CSN1S1: variants seen among roughly 807,000 people sequenced by gnomAD.
CSN1S1 encodes casein alpha s1.
Under a neutral mutation model 49.1 loss-of-function variants are expected in CSN1S1, and 63 were observed. That is an observed-to-expected ratio of 1.28 (90% CI 1.05 to 1.58). CSN1S1 has a LOEUF of 1.58. Ranked by LOEUF, CSN1S1 falls within the 40% of genes most tolerant of loss-of-function variation. The probability of loss-of-function intolerance (pLI) is 0.00; values close to 1 mark genes in which losing one functional copy is unlikely to be tolerated. For missense variants in CSN1S1, 260 were observed against 224.7 expected, an observed-to-expected ratio of 1.16 and a Z score of -1.01; for synonymous variants, 78 against 67.1, an observed-to-expected ratio of 1.16 and a Z score of -0.79.
intron 9 of CSN1S1, among the ~76,000 whole-genome samples, chr4:69,938,840 A>G (rs917986106): frequency 6.6e-6 from 1 of 151,732 alleles, no homozygotes; most frequent in Non-Finnish European, 1.5e-5. Flanking sequence ...TACCCAGCTA[A>G]ATATGGTTCT....
chr4:69,938,569 C>T (rs1440957987), intron 9 of CSN1S1, among the ~76,000 whole-genome samples: 4 of 151,456 alleles, frequency 2.6e-5, no homozygotes, highest in African/African-American at 9.7e-5. Flanking sequence ...AATCAACCAT[C>T]CCCAGAGATA....
At chr4:69,937,511 C>T (rs1722823718) in intron 8 of CSN1S1, among the ~76,000 whole-genome samples, 1 of 150,946 alleles carries the variant, frequency 6.6e-6, no homozygotes, top group Non-Finnish European at 1.5e-5. Context: ...GTCCAGAAGC[C>T]AAGTTTTAAA....
Position 69,946,283 on chromosome 4 carries a change from A to G in CSN1S1, c.*87A>G, listed in dbSNP as rs1723165252. 2 of 420,764 alleles carry G rather than the reference A, an allele frequency of 4.8e-6. No individual in the cohort carries two copies. The highest frequency in any genetic ancestry group is 9.0e-6 in the Non-Finnish European group (2 of 221,420). The allele number at this position is 420,764 out of a possible 1,614,324, so 26.1% of individuals were successfully genotyped here. ...CTGGACTGTTGTTTTAGAATAGTAAAATCCCATATTGAAGGAAATTGTTCT... is the reference window on the plus strand; with the variant it reads ...CTGGACTGTTGTTTTAGAATAGTAAGATCCCATATTGAAGGAAATTGTTCT... On this transcript the variant is annotated 3_prime_UTR_variant, in exon 16 of 16. Transcript: ENST00000246891.
intron 3 of CSN1S1, 61 bp downstream of exon 3, chr4:69,934,305 G>A: frequency 6.7e-7 from 1 of 1,486,904 alleles, no homozygotes; most frequent in Non-Finnish European, 9.3e-7. Context: ...AACTCCAAAT[G>A]TGCGCTTCCC....
At chr4:69,933,773 A>C (rs1357883904) in intron 2 of CSN1S1, among the ~76,000 whole-genome samples, 2 of 152,054 alleles carry the variant, frequency 1.3e-5, no homozygotes, top group African/African-American at 4.8e-5. Context: ...GTGATGATAA[A>C]AATAAAACCC....
intron 3 of CSN1S1, 40 bp from the exon 4 acceptor site, chr4:69,934,650 A>C (rs375245969): frequency 1.3e-6 from 2 of 1,572,900 alleles, no homozygotes; most frequent in African/African-American, 2.7e-5. Context: ...TCTGTCCTGC[A>C]ATTGGAATAA....
chr4:69,932,501 A>C, intron 1 of CSN1S1, 43 bp from the exon 2 acceptor site: 18 of 1,509,820 alleles, frequency 1.2e-5, no homozygotes, highest in Non-Finnish European at 1.6e-5. Context: ...AACAAATTTA[A>C]CGTAATAATA....
chr4:69,934,758 CTT>C, intron 4 of CSN1S1, 48 bp downstream of exon 4: 2 of 1,554,710 alleles, frequency 1.3e-6, no homozygotes, highest in Non-Finnish European at 1.8e-6. Flanking sequence ...CTTTTGCTCT[CTT>C]TCAGTTAGCT....
At chr4:69,937,693 G>T in intron 8 of CSN1S1, 107 bp from the exon 9 acceptor site, 2 of 839,260 alleles carry the variant, frequency 2.4e-6, no homozygotes, top group African/African-American at 1.8e-5. Flanking sequence ...CTTTTATATT[G>T]TCTCAGTTTT....
chr4:69,932,694 A>G (rs1222794600), intron 2 of CSN1S1, 88 bp downstream of exon 2: 1 of 1,189,512 alleles, frequency 8.4e-7, no homozygotes, highest in Non-Finnish European at 1.2e-6. Context: ...CAGAGAAATA[A>G]TCTTAAAGCA....
In CSN1S1 at chr4:69,937,118, C is replaced by T; in HGVS notation, c.196-3C>T. On this transcript the variant is annotated splice_region_variant and splice_polypyrimidine_tract_variant and intron_variant, in intron 7 of 15. Coordinates refer to ENST00000246891, the MANE Select transcript of CSN1S1 (RefSeq NM_001890.2). The stretch of plus-strand genomic sequence containing the variant: ...ATACCTAACTGATTGACTGTCTTGG[C>T]AGGATACTAGGAATGAGTCTACTCA... 6.5e-7 allele frequency: 1 copy of T among 1,541,352 alleles called. No homozygotes were observed. The highest frequency in any genetic ancestry group is 2.5e-5 in the East Asian group (1 of 40,744).
rs778407298 is a variant in CSN1S1 at position 69,941,000 on chromosome 4, T to C, written c.301-19T>C. ...TGAATGACATCCAAGCAATTGAGAA[T>C]ATTTTTCTTTTTAAATAGGAACAGT... is the stretch of plus-strand genomic sequence containing the variant. On this transcript the variant is annotated intron_variant, in intron 11 of 15. Transcript: ENST00000246891. The C allele has an allele frequency of 7.2e-7, 1 of 1,396,708 alleles. No homozygotes were observed. Among genetic ancestry groups the C allele is most frequent in the East Asian group, 2.5e-5 (1 of 40,650 alleles). 86.5% of individuals were successfully genotyped at this position (1,396,708 alleles called of 1,614,324 possible).
At chr4:69,934,963 G>A (rs72852679) in intron 4 of CSN1S1, among the ~76,000 whole-genome samples, 6,760 of 152,138 alleles carry the variant, frequency 0.044, 189 homozygotes, top group African/African-American at 0.083. Context: ...AGGTGTAGGT[G>A]TTCTTTAGAT....
At position 69,946,199 on chromosome 4, in the gene CSN1S1, T is replaced by C; in HGVS notation, c.*3T>C. 2 of 550,984 alleles carry C rather than the reference T, an allele frequency of 3.6e-6. No individual in the cohort carries two copies. The highest frequency in any genetic ancestry group is 2.4e-5 in the South Asian group (1 of 42,024). The allele number at this position is 550,984 out of a possible 1,614,324, so 34.1% of individuals were successfully genotyped here. On this transcript the variant is annotated 3_prime_UTR_variant, in exon 16 of 16. Coordinates refer to ENST00000246891, the MANE Select transcript of CSN1S1 (RefSeq NM_001890.2). ...ATATTTCTATTTCTATTTACAGATATGATTGAAAATTTCATTCTCTGAATT... is the reference window on the plus strand; with the variant it reads ...ATATTTCTATTTCTATTTACAGATACGATTGAAAATTTCATTCTCTGAATT...
intron 1 of CSN1S1, among the ~76,000 whole-genome samples, chr4:69,931,970 T>C (rs983512483): frequency 6.6e-6 from 1 of 151,954 alleles, no homozygotes; most frequent in Non-Finnish European, 1.5e-5. Context: ...CACGAAGTTA[T>C]GGCTAGATTC....
In CSN1S1 at chr4:69,934,688, A is replaced by G. The variant is rs767072433; in HGVS notation, c.85-2A>G. 1 of 1,607,748 alleles carries G rather than the reference A, an allele frequency of 6.2e-7. No individual in the cohort carries two copies. Among genetic ancestry groups the G allele is most frequent in the Non-Finnish European group, 8.5e-7 (1 of 1,175,214 alleles). ...CCATTTAAAAATTATTATTTTTTAC[A>G]GAATCCATCAGAGAGCAGTGAGGTA... On this transcript the variant is annotated splice_acceptor_variant, in intron 3 of 15. Coordinates refer to ENST00000246891, the MANE Select transcript of CSN1S1 (RefSeq NM_001890.2). LOFTEE classifies it high-confidence loss of function.
intron 13 of CSN1S1, 91 bp downstream of exon 13, chr4:69,942,154 T>G: frequency 1.3e-6 from 1 of 795,468 alleles, no homozygotes; most frequent in South Asian, 2.6e-5. Flanking sequence ...CATAAATATA[T>G]TCTGAGAGAG....
intron 5 of CSN1S1, 59 bp downstream of exon 5, chr4:69,936,008 T>C: frequency 7.7e-7 from 1 of 1,295,022 alleles, no homozygotes; most frequent in South Asian, 1.3e-5. Context: ...AGTGTTAAGA[T>C]CAGGAGACTC....
chr4:69,941,094 T>C (rs1722957298), intron 12 of CSN1S1, 34 bp downstream of exon 12: 4 of 1,072,504 alleles, frequency 3.7e-6, no homozygotes, highest in Non-Finnish European at 5.4e-6. Context: ...CAAAATCATA[T>C]TCTACTATAG....
Sources: allele counts gnomAD v4.1 joint callset (sites outside exome capture counted in the v4.1 genomes callset), GRCh38; gene constraint gnomAD v4.1.1; transcripts MANE v1.5; gene names NCBI Gene and HGNC (gene_info 2026-07-23, HGNC 2026-07-21).